CACNA2D3: variants seen among roughly 807,000 people sequenced by gnomAD.
CACNA2D3 encodes voltage-dependent calcium channel subunit alpha-2/delta-3.
In CACNA2D3, 60 loss-of-function variants were observed where a neutral mutation model predicts 160.6. The observed-to-expected ratio is 0.37, with a 90% confidence interval of 0.30 to 0.46. CACNA2D3 has a LOEUF of 0.46. Ranked by LOEUF, CACNA2D3 falls within the 20% of genes least tolerant of loss-of-function variation. The pLI is 1.00. For missense variants in CACNA2D3, 1,205 were observed against 1,365.0 expected (o/e 0.88, Z 1.85); for synonymous variants, 558 against 492.9 (o/e 1.13, Z -1.75).
intron 27 of CACNA2D3, among the ~76,000 whole-genome samples, chr3:54,949,355 A>G (rs761265208): frequency 2.0e-5 from 3 of 152,196 alleles, no homozygotes; most frequent in Non-Finnish European, 2.9e-5. Context: ...TGCTGCTGAA[A>G]AAAGGGGACA....
chr3:54,943,773 G>A (rs936546348), intron 27 of CACNA2D3, among the ~76,000 whole-genome samples: 2 of 151,972 alleles, frequency 1.3e-5, no homozygotes, highest in African/African-American at 4.8e-5. Context: ...ATTTCAGTCC[G>A]GACTAATAGC....
At chr3:54,568,932 T>C in intron 6 of CACNA2D3, among the ~76,000 whole-genome samples, 1 of 152,218 alleles carries the variant, frequency 6.6e-6, no homozygotes, top group East Asian at 1.9e-4. Flanking sequence ...AGAATCTCAA[T>C]GCCATCAGCT....
chr3:54,830,670 G>T (rs1211322660), intron 14 of CACNA2D3, among the ~76,000 whole-genome samples: 2 of 152,032 alleles, frequency 1.3e-5, no homozygotes, highest in South Asian at 4.2e-4. Flanking sequence ...GGCCAAGCTG[G>T]TCTCAAACTC....
intron 27 of CACNA2D3, among the ~76,000 whole-genome samples, chr3:54,952,526 A>T (rs1701783369): frequency 6.6e-6 from 1 of 152,228 alleles, no homozygotes; most frequent in Non-Finnish European, 1.5e-5. Flanking sequence ...TACCAATCTC[A>T]TATTAAGCAG....
At chr3:55,062,901 G>T (rs3773540) in intron 35 of CACNA2D3, among the ~76,000 whole-genome samples, 2 of 152,062 alleles carry the variant, frequency 1.3e-5, no homozygotes, top group African/African-American at 2.4e-5. Context: ...ACTATCCTTT[G>T]TGTAGCCTAG....
At chr3:54,234,351 C>G (rs953806923) in intron 2 of CACNA2D3, among the ~76,000 whole-genome samples, 10 of 152,012 alleles carry the variant, frequency 6.6e-5, no homozygotes, top group Admixed American at 2.6e-4. Flanking sequence ...CAAACAAAAC[C>G]AAAAAGCAGA....
intron 3 of CACNA2D3, among the ~76,000 whole-genome samples, chr3:54,380,319 C>T (rs1699078852): frequency 6.6e-6 from 1 of 152,228 alleles, no homozygotes; most frequent in African/African-American, 2.4e-5. Context: ...TAGATCTCCT[C>T]TGTCTTCACT....
intron 3 of CACNA2D3, among the ~76,000 whole-genome samples, chr3:54,361,298 G>T (rs1024433326): frequency 6.6e-6 from 1 of 151,904 alleles, no homozygotes; most frequent in Non-Finnish European, 1.5e-5. Context: ...GGAGCTCTGG[G>T]TATCATGCCC....
intron 35 of CACNA2D3, among the ~76,000 whole-genome samples, chr3:55,039,554 G>A (rs116713093): frequency 2.0e-5 from 3 of 152,256 alleles, no homozygotes; most frequent in African/African-American, 7.2e-5. Flanking sequence ...CAACTTTCTC[G>A]TCTTTGGCCT....
At chr3:54,516,057 A>G (rs1262295003) in intron 5 of CACNA2D3, among the ~76,000 whole-genome samples, 1 of 152,224 alleles carries the variant, frequency 6.6e-6, no homozygotes, top group Non-Finnish European at 1.5e-5. Flanking sequence ...GACATGCATC[A>G]GGGACATGTG....
intron 17 of CACNA2D3, among the ~76,000 whole-genome samples, chr3:54,853,286 C>G (rs1699099794): frequency 6.6e-6 from 1 of 152,144 alleles, no homozygotes. Context: ...TTGTGAATAG[C>G]TGGGAGTTTG....
intron 13 of CACNA2D3, among the ~76,000 whole-genome samples, chr3:54,776,732 C>T (rs1014655856): frequency 6.6e-5 from 10 of 152,098 alleles, no homozygotes; most frequent in Admixed American, 1.3e-4. Context: ...ATTCTCTGAG[C>T]CCCAGGCTCA....
intron 27 of CACNA2D3, among the ~76,000 whole-genome samples, chr3:54,931,161 C>A (rs528968587): frequency 1.8e-4 from 27 of 152,290 alleles, no homozygotes; most frequent in Non-Finnish European, 2.6e-4. Context: ...TTCAAAGAGT[C>A]TGAGCTGGCT....
intron 4 of CACNA2D3, among the ~76,000 whole-genome samples, chr3:54,483,949 C>A (rs1224706699): frequency 6.6e-6 from 1 of 152,172 alleles, no homozygotes; most frequent in African/African-American, 2.4e-5. Flanking sequence ...TTGCCCGGAG[C>A]AACTCACCTG....
In CACNA2D3 at chr3:54,611,796, T is replaced by TG. The variant is rs1026382564; in HGVS notation, c.964-15990dup. Among the ~76,000 whole-genome samples the TG allele has an allele frequency of 5.9e-5, 9 of 151,554 alleles. No homozygotes were observed. In the East Asian group the frequency reaches 1.4e-3, roughly 23 times the overall value. On this transcript the variant is annotated intron_variant, in intron 9 of 37. Coordinates refer to ENST00000474759, the MANE Select transcript of CACNA2D3 (RefSeq NM_018398.3). Reference sequence around the variant, plus strand: ...TTGGCAGGATGTGGAGAGAGAAGAGTGAAAAAAAAAATCAGTGCCTATTCC... The same window carrying TG: ...TTGGCAGGATGTGGAGAGAGAAGAGTGGAAAAAAAAAATCAGTGCCTATTCC...
chr3:54,987,383 C>T (rs1702637551), intron 30 of CACNA2D3, among the ~76,000 whole-genome samples: 1 of 152,130 alleles, frequency 6.6e-6, no homozygotes, highest in African/African-American at 2.4e-5. Flanking sequence ...CTACCTACTC[C>T]ATCCAAGGGT....
intron 33 of CACNA2D3, among the ~76,000 whole-genome samples, chr3:55,008,801 CTT>C (rs776451661): frequency 2.0e-5 from 3 of 151,566 alleles, no homozygotes; most frequent in Non-Finnish European, 2.9e-5. Context: ...TTTTTGTAGT[CTT>C]TACCAGCCAT....
chr3:54,478,679 T>TATATATA (rs1559493334), intron 4 of CACNA2D3, among the ~76,000 whole-genome samples: 1 of 47,792 alleles, frequency 2.1e-5, no homozygotes, highest in Non-Finnish European at 5.0e-5. Context: ...TATATATATA[T>TATATATA]TGCTTGTCAT....
chr3:54,388,747 A>G (rs1699231120), intron 4 of CACNA2D3, among the ~76,000 whole-genome samples: 2 of 152,168 alleles, frequency 1.3e-5, no homozygotes, highest in Non-Finnish European at 2.9e-5. Context: ...ATTGTCAGAG[A>G]ATTTGGACTT....
Sources: gnomAD v4.1 joint callset for allele counts (sites outside exome capture counted in the v4.1 genomes callset) on GRCh38, gnomAD v4.1.1 for gene constraint, MANE v1.5 for transcripts, NCBI Gene and HGNC (gene_info 2026-07-23, HGNC 2026-07-21) for gene names.